The following SUPT3H variants were observed in gnomAD, a reference collection of about 807,000 sequenced individuals.
SUPT3H encodes transcription initiation protein SPT3 homolog.
Under a neutral mutation model 44.3 loss-of-function variants are expected in SUPT3H, and 44 were observed. The ratio of observed to expected loss-of-function variants is 0.99; its 90% CI spans 0.78 to 1.28. The LOEUF (loss-of-function observed/expected upper bound fraction) is 1.28, where lower values mean the gene tolerates loss of function less well. SUPT3H is among the 50% of genes most tolerant of loss of function. SUPT3H has a pLI of 0.00. For missense variants in SUPT3H, 380 were observed against 387.1 expected (o/e 0.98, Z 0.15); for synonymous variants, 124 against 125.6 (o/e 0.99, Z 0.09).
chr6:45,032,834 A>G (rs971464333), intron 3 of SUPT3H, among the ~76,000 whole-genome samples: 6 of 152,180 alleles, frequency 3.9e-5, no homozygotes, highest in Non-Finnish European at 8.8e-5. Flanking sequence ...AGCTCTCTTT[A>G]TAAGAAGGCG....
At chr6:45,253,208 C>G (rs1336047057) in intron 2 of SUPT3H, among the ~76,000 whole-genome samples, 1 of 152,008 alleles carries the variant, frequency 6.6e-6, no homozygotes. Flanking sequence ...TCTCAATATA[C>G]AAAGATTTCT....
chr6:45,247,238 T>G (rs1480355527), intron 2 of SUPT3H, among the ~76,000 whole-genome samples: 1 of 152,214 alleles, frequency 6.6e-6, no homozygotes. Context: ...TAGCCCTATA[T>G]TTTTCAGGAA....
At chr6:45,318,875 C>A (rs566372953) in intron 2 of SUPT3H, among the ~76,000 whole-genome samples, 37 of 152,048 alleles carry the variant, frequency 2.4e-4, no homozygotes, top group Non-Finnish European at 7.4e-5. Context: ...GATTTTATTT[C>A]TCAGAGATTT....
At chr6:44,939,430 T>G (rs1318409197) in intron 9 of SUPT3H, among the ~76,000 whole-genome samples, 1 of 152,148 alleles carries the variant, frequency 6.6e-6, no homozygotes, top group East Asian at 1.9e-4. Flanking sequence ...ACCATGGTAA[T>G]TATCTTTATG....
chr6:45,291,532 G>C (rs9472455), intron 2 of SUPT3H, among the ~76,000 whole-genome samples: 22,172 of 152,090 alleles, frequency 0.15, 2,136 homozygotes, highest in African/African-American at 0.27. Context: ...TGGCCACAAT[G>C]TAAGGAAATC....
At chr6:45,036,468 C>G (rs1477995480) in intron 3 of SUPT3H, among the ~76,000 whole-genome samples, 1 of 152,004 alleles carries the variant, frequency 6.6e-6, no homozygotes, top group East Asian at 1.9e-4. Context: ...CTAGACATAT[C>G]ATTGTGAAAT....
At chr6:45,111,790 C>T (rs1012378285) in intron 2 of SUPT3H, among the ~76,000 whole-genome samples, 7 of 151,958 alleles carry the variant, frequency 4.6e-5, no homozygotes, top group East Asian at 1.9e-4. Context: ...ACTGTAGTCA[C>T]GGCCCCCCCA....
At chr6:45,305,731 A>G (rs2149955559) in intron 2 of SUPT3H, among the ~76,000 whole-genome samples, 1 of 152,344 alleles carries the variant, frequency 6.6e-6, no homozygotes, top group Non-Finnish European at 1.5e-5. Context: ...AGTAGAAGCC[A>G]CTATCTTTCC....
At chr6:45,304,720 T>A (rs901196990) in intron 2 of SUPT3H, among the ~76,000 whole-genome samples, 2 of 145,760 alleles carry the variant, frequency 1.4e-5, no homozygotes, top group Non-Finnish European at 3.0e-5. Context: ...TCAATGATTT[T>A]TTTCCAGTTG....
intron 2 of SUPT3H, among the ~76,000 whole-genome samples, chr6:45,282,618 C>A (rs910861179): frequency 6.6e-6 from 1 of 152,136 alleles, no homozygotes; most frequent in African/African-American, 2.4e-5. Context: ...ATTGGTGTAC[C>A]TGAAAGTGAC....
chr6:45,113,378 C>A (rs1367735382), intron 2 of SUPT3H, among the ~76,000 whole-genome samples: 5 of 152,178 alleles, frequency 3.3e-5, no homozygotes, highest in African/African-American at 7.2e-5. Context: ...CGTGATCAGT[C>A]ATTTAATGCA....
At chr6:45,230,950 C>A (rs1386728559) in intron 2 of SUPT3H, among the ~76,000 whole-genome samples, 1 of 151,902 alleles carries the variant, frequency 6.6e-6, no homozygotes, top group African/African-American at 2.4e-5. Context: ...GGATTACAGG[C>A]GTGAGCCACT....
chr6:45,152,820 T>C (rs1807166658), intron 2 of SUPT3H, among the ~76,000 whole-genome samples: 1 of 152,092 alleles, frequency 6.6e-6, no homozygotes, highest in South Asian at 2.1e-4. Context: ...AATTTAATCA[T>C]ATGCTCTCCT....
At chr6:45,318,044 G>C (rs529256191) in intron 2 of SUPT3H, among the ~76,000 whole-genome samples, 1 of 152,190 alleles carries the variant, frequency 6.6e-6, no homozygotes, top group East Asian at 1.9e-4. Context: ...TCACCCTCAG[G>C]AATAGATTAA....
At chr6:44,993,292 G>C (rs1780840823) in intron 6 of SUPT3H, among the ~76,000 whole-genome samples, 1 of 152,022 alleles carries the variant, frequency 6.6e-6, no homozygotes. Context: ...TATTTCACAA[G>C]GTTAAGAAAA....
At chr6:45,146,674 T>C (rs1806131496) in intron 2 of SUPT3H, among the ~76,000 whole-genome samples, 1 of 152,174 alleles carries the variant, frequency 6.6e-6, no homozygotes, top group Non-Finnish European at 1.5e-5. Context: ...ATACAATCAA[T>C]GCCTAATAAT....
At chr6:45,120,946 A>G (rs765019628) in intron 2 of SUPT3H, among the ~76,000 whole-genome samples, 98 of 152,208 alleles carry the variant, frequency 6.4e-4, no homozygotes, top group Admixed American at 2.6e-3. Flanking sequence ...TAGAACAATA[A>G]TAAGTATAGG....
Position 45,179,251 on chromosome 6 carries a change from A to G in SUPT3H, c.102-73245T>C, listed in dbSNP as rs181968537. Among the ~76,000 whole-genome samples, 697 of 152,312 alleles carry G rather than the reference A, an allele frequency of 4.6e-3. 11 individuals are homozygous for G. Among genetic ancestry groups the G allele is most frequent in the African/African-American group, 0.016 (645 of 41,546 alleles). Reference sequence around the variant, plus strand: ...GTAATAATCAATAGCTTACCAACCAAAAAGAGTCCAGGACCAGATGGATTC... The same window carrying G: ...GTAATAATCAATAGCTTACCAACCAGAAAGAGTCCAGGACCAGATGGATTC... On this transcript the variant is annotated intron_variant, in intron 2 of 10. Coordinates refer to ENST00000371459, the MANE Select transcript of SUPT3H (RefSeq NM_003599.4).
At chr6:45,377,612 A>T (rs2150337303) in intron 1 of SUPT3H, among the ~76,000 whole-genome samples, 156 bp downstream of exon 1, 1 of 152,214 alleles carries the variant, frequency 6.6e-6, no homozygotes, top group African/African-American at 2.4e-5. Context: ...ACTCCGGCGT[A>T]GACCACGAAG....
Sources: gnomAD v4.1 joint callset for allele counts (sites outside exome capture counted in the v4.1 genomes callset) on GRCh38, gnomAD v4.1.1 for gene constraint, MANE v1.5 for transcripts, NCBI Gene and HGNC (gene_info 2026-07-23, HGNC 2026-07-21) for gene names.